Variants in ZBTB20 observed in about 807,000 individuals in gnomAD.
The protein encoded by ZBTB20 is zinc finger and BTB domain containing 20.
In ZBTB20, 9 loss-of-function variants were observed where a neutral mutation model predicts 56.9. The observed-to-expected ratio is 0.16, with a 90% CI of 0.10 to 0.28. ZBTB20 has a LOEUF of 0.28. Ranked by LOEUF, ZBTB20 falls within the 10% of genes least tolerant of loss-of-function variation. The pLI is 1.00. For missense variants in ZBTB20, 655 were observed against 1,003.0 expected (o/e 0.65, Z 4.69); for synonymous variants, 417 against 420.7 (o/e 0.99, Z 0.11).
intron 5 of ZBTB20, among the ~76,000 whole-genome samples, chr3:114,775,643 T>C (rs1316091641): frequency 6.6e-6 from 1 of 152,152 alleles, no homozygotes; most frequent in Non-Finnish European, 1.5e-5. Context: ...CCTTTGATCC[T>C]AGGAAATTTA....
chr3:114,743,279 A>T (rs1053137361), intron 5 of ZBTB20, among the ~76,000 whole-genome samples: 1 of 152,108 alleles, frequency 6.6e-6, no homozygotes, highest in African/African-American at 2.4e-5. Context: ...TCACAAATGC[A>T]ATAGGGTAGC....
chr3:114,658,508 G>A (rs2060536454), intron 6 of ZBTB20: 1 of 152,178 alleles, frequency 6.6e-6, no homozygotes. Flanking sequence ...TCAGAATTGA[G>A]ATAAAACTCA....
At chr3:114,366,888 A>G (rs2082459205) in intron 10 of ZBTB20, 1 of 151,864 alleles carries the variant, frequency 6.6e-6, no homozygotes, top group Non-Finnish European at 1.5e-5. Context: ...GAAGGTAAGT[A>G]AGCAGGGTGA....
chr3:114,417,223 T>C (rs2088655157), intron 7 of ZBTB20, among the ~76,000 whole-genome samples: 1 of 152,106 alleles, frequency 6.6e-6, no homozygotes, highest in South Asian at 2.1e-4. Flanking sequence ...AATTAGTTCA[T>C]AATATGGCCT....
chr3:114,344,702 C>T (rs1473299471), intron 11 of ZBTB20, among the ~76,000 whole-genome samples: 1 of 152,198 alleles, frequency 6.6e-6, no homozygotes, highest in Admixed American at 6.5e-5. Context: ...TGTTACTTTA[C>T]ACCCACTGGC....
Position 114,339,076 on chromosome 3 carries a change from CG to C in ZBTB20, c.2154del (p.Val719SerfsTer16), listed in dbSNP as rs1213094472. On this transcript the variant is annotated frameshift_variant, in exon 12 of 12. Coordinates refer to ENST00000675478, the MANE Select transcript of ZBTB20 (RefSeq NM_001348800.3). LOFTEE classifies it high-confidence loss of function. This position sits in a 1 kb window ranked among gnomAD's most constrained non-coding sequence, Gnocchi z 4.2. The part of the protein sequence containing the change: ...ACTEGTTYVC[S>X]VCPAKFDQIE... The stretch of plus-strand genomic sequence containing the variant: ...ATTTGGTCAAACTTTGCTGGGCAGA[CG>C]GAGCAGACGTAAGTGGTCCCCTCCG... The C allele has an allele frequency of 1.9e-6, 3 of 1,564,964 alleles. No homozygotes were observed. The highest frequency in any genetic ancestry group is 2.6e-6 in the Non-Finnish European group (3 of 1,153,840).
chr3:114,424,895 C>A (rs1464584393), intron 7 of ZBTB20, among the ~76,000 whole-genome samples: 2 of 152,152 alleles, frequency 1.3e-5, no homozygotes, highest in Non-Finnish European at 2.9e-5. Flanking sequence ...CAGTTTAGGA[C>A]AGAGTGAAGG....
chr3:114,368,020 A>G (rs1412994080), intron 10 of ZBTB20, among the ~76,000 whole-genome samples: 24 of 152,122 alleles, frequency 1.6e-4, no homozygotes, highest in Admixed American at 1.6e-3. Flanking sequence ...GGCTGCATCA[A>G]TTTTAGTTCA....
At chr3:114,556,617 G>T (rs1222842050) in intron 6 of ZBTB20, among the ~76,000 whole-genome samples, 1 of 151,970 alleles carries the variant, frequency 6.6e-6, no homozygotes, top group Non-Finnish European at 1.5e-5. Flanking sequence ...AGTAATGAAT[G>T]GCCCCTATGA....
chr3:114,856,827 C>G (rs2075276891), intron 4 of ZBTB20, among the ~76,000 whole-genome samples: 1 of 152,022 alleles, frequency 6.6e-6, no homozygotes, highest in Non-Finnish European at 1.5e-5. Context: ...TAATTTGAGA[C>G]AAAGTGACAG....
At chr3:114,716,674 A>G (rs1446680417) in intron 5 of ZBTB20, among the ~76,000 whole-genome samples, 1 of 152,106 alleles carries the variant, frequency 6.6e-6, no homozygotes, top group Non-Finnish European at 1.5e-5. Context: ...CACTGCTAAC[A>G]CTGGCCATTG....
intron 5 of ZBTB20, chr3:114,791,940 C>G (rs1054682897): frequency 6.6e-6 from 1 of 152,190 alleles, no homozygotes; most frequent in African/African-American, 2.4e-5. Flanking sequence ...GGCTTCCTCC[C>G]TTTTCCAGTT....
At position 114,503,746 on chromosome 3, in the gene ZBTB20, G is replaced by A. The variant is rs1457805768; in HGVS notation, c.-294-3355C>T. On this transcript the variant is annotated intron_variant, in intron 6 of 11. Transcript: ENST00000675478. ...GGATGAGCAGAGAGAGGGGGATGAC[G>A]AGGGGTGAAGTTTAATCTTCGTATT... Among the ~76,000 whole-genome samples the A allele has an allele frequency of 3.3e-5, 5 of 152,126 alleles. No individual in the cohort carries two copies. In the East Asian group the frequency reaches 5.8e-4, roughly 18 times the overall value.
chr3:115,066,107 C>T (rs1044804870), intron 2 of ZBTB20, among the ~76,000 whole-genome samples: 2 of 152,146 alleles, frequency 1.3e-5, no homozygotes, highest in Non-Finnish European at 2.9e-5. Flanking sequence ...CTTATCCTAA[C>T]TTTTACTCTT....
intron 5 of ZBTB20, among the ~76,000 whole-genome samples, chr3:114,737,523 A>G (rs1272821771): frequency 6.6e-6 from 1 of 152,176 alleles, no homozygotes; most frequent in African/African-American, 2.4e-5. Flanking sequence ...AAATGAAAAT[A>G]CAACTAAACA....
rs2107665558 is a variant in ZBTB20, at chr3:114,900,317, G to A, written c.-430C>T. The A allele has an allele frequency of 6.6e-6, 1 of 150,726 alleles. No individual in the cohort carries two copies. The highest frequency in any genetic ancestry group is 2.4e-5 in the African/African-American group (1 of 41,002). The allele number at this position is 150,726 out of a possible 1,614,324, so 9.3% of individuals were successfully genotyped here. ...TCATATACATACCTGTGCAGCTATG[G>A]GGCACAAACTTGCAATTCATCAATT... On this transcript the variant is annotated 5_prime_UTR_variant, in exon 4 of 12. Coordinates refer to ENST00000675478, the MANE Select transcript of ZBTB20 (RefSeq NM_001348800.3).
chr3:114,865,077 T>G (rs1208637137), intron 4 of ZBTB20, among the ~76,000 whole-genome samples: 1 of 152,142 alleles, frequency 6.6e-6, no homozygotes, highest in African/African-American at 2.4e-5. Context: ...AATTTTCTTA[T>G]GTCCTTCACA....
intron 3 of ZBTB20, among the ~76,000 whole-genome samples, chr3:114,967,727 C>A (rs1267458922): frequency 6.6e-6 from 1 of 151,998 alleles, no homozygotes; most frequent in Admixed American, 6.6e-5. Flanking sequence ...GAGGCCGAAG[C>A]GGGTGGATCA....
chr3:115,135,692 T>A (rs1173433455), intron 1 of ZBTB20, among the ~76,000 whole-genome samples: 1 of 152,206 alleles, frequency 6.6e-6, no homozygotes, highest in Admixed American at 6.5e-5. Context: ...AGGAATTACA[T>A]GTGTCCCACA....
Sources: allele counts gnomAD v4.1 joint callset (sites outside exome capture counted in the v4.1 genomes callset), GRCh38; gene constraint gnomAD v4.1.1; non-coding constraint Gnocchi (gnomAD v3.1); transcripts MANE v1.5; gene names NCBI Gene and HGNC (gene_info 2026-07-23, HGNC 2026-07-21).